The following PCDHA6 variants were observed in gnomAD, a reference collection of about 807,000 sequenced individuals.
The protein encoded by PCDHA6 is protocadherin alpha-6.
In PCDHA6, 55 loss-of-function variants were observed where a neutral mutation model predicts 60.3. The ratio of observed to expected loss-of-function variants is 0.91; its 90% CI spans 0.73 to 1.14. The LOEUF is 1.14. Among genes scored for constraint, PCDHA6 ranks in the 50% most tolerant of loss-of-function variants. The probability of loss-of-function intolerance (pLI) is 0.00; values close to 1 mark genes in which losing one functional copy is unlikely to be tolerated. For missense variants in PCDHA6, 1,327 were observed against 1,256.5 expected, an observed-to-expected ratio of 1.06 and a Z score of -0.85; for synonymous variants, 652 against 557.9, an observed-to-expected ratio of 1.17 and a Z score of -2.38.
intron 1 of PCDHA6, among the ~76,000 whole-genome samples, chr5:140,925,821 T>C (rs1381036851): frequency 1.3e-5 from 2 of 152,136 alleles, no homozygotes; most frequent in African/African-American, 4.8e-5. Context: ...CACGTCTTCT[T>C]TGGGGACGGG....
At chr5:140,977,307 G>C (rs1023836424) in intron 1 of PCDHA6, among the ~76,000 whole-genome samples, 1 of 152,186 alleles carries the variant, frequency 6.6e-6, no homozygotes, top group Admixed American at 6.5e-5. Flanking sequence ...ACAAGCTAAC[G>C]ATAGTGCTCC....
At chr5:140,854,178 A>AATT in intron 1 of PCDHA6, 6 of 531,176 alleles carry the variant, frequency 1.1e-5, no homozygotes, top group Non-Finnish European at 1.2e-5. Context: ...AAAAAAAAAG[A>AATT]GTAGTTTAAC....
chr5:140,830,936 T>C (rs1771298831), intron 1 of PCDHA6: 1 of 152,346 alleles, frequency 6.6e-6, no homozygotes, highest in South Asian at 2.1e-4. Context: ...TGTCGACACT[T>C]TTATTAAGCT....
intron 1 of PCDHA6, chr5:140,853,994 C>A (rs1157670229): frequency 4.2e-6 from 2 of 477,726 alleles, no homozygotes; most frequent in Non-Finnish European, 5.6e-6. Context: ...TGAGACTCAT[C>A]TCTGCCAAAA....
At position 140,876,665 on chromosome 5, in the gene PCDHA6, T is replaced by C. The variant is rs781830697; in HGVS notation, c.2394+46180T>C. 98 of 1,614,080 alleles carry C rather than the reference T, an allele frequency of 6.1e-5. 1 individual carries two copies. The South Asian group carries it at 9.4e-4, about 16-fold the overall frequency. ...ACACCTCATGTTCCCTTCAAGCTGG[T>C]GTCCACCTACAAGAATTACTACTCG... On this transcript the variant is annotated intron_variant, in intron 1 of 3. Coordinates refer to ENST00000529310, the MANE Select transcript of PCDHA6 (RefSeq NM_018909.4).
At chr5:140,833,791 C>T (rs1164373898) in intron 1 of PCDHA6, among the ~76,000 whole-genome samples, 2 of 152,062 alleles carry the variant, frequency 1.3e-5, no homozygotes, top group Non-Finnish European at 2.9e-5. Context: ...TCTCTTTCAT[C>T]AATCAGTAGA....
At chr5:140,843,104 C>T in intron 1 of PCDHA6, 1 of 1,595,712 alleles carries the variant, frequency 6.3e-7, no homozygotes, top group African/African-American at 1.3e-5. Context: ...AGCGAAGGTG[C>T]GCGCAGTGGA....
chr5:141,000,389 C>CTATA (rs2097911342), intron 3 of PCDHA6, among the ~76,000 whole-genome samples: 3 of 62,588 alleles, frequency 4.8e-5, no homozygotes, highest in Non-Finnish European at 8.6e-5. Flanking sequence ...CTCTCTCTCT[C>CTATA]TCTCTCTATA....
chr5:140,999,975 A>G (rs952038024), intron 3 of PCDHA6, among the ~76,000 whole-genome samples: 3 of 152,078 alleles, frequency 2.0e-5, no homozygotes, highest in African/African-American at 7.2e-5. Context: ...TAGCAGCTCT[A>G]GCGGCCTCTG....
rs782115498 is a variant in PCDHA6, at chr5:140,856,112, G to C, written c.2394+25627G>C. ...GCTGCTCTCGCTTCTTCTCCTCGCA[G>C]CCTGGGAGGTGGGGAGCGGCCAGCT... On this transcript the variant is annotated intron_variant, in intron 1 of 3. Coordinates refer to ENST00000529310, the MANE Select transcript of PCDHA6 (RefSeq NM_018909.4). The C allele has an allele frequency of 2.5e-6, 4 of 1,598,194 alleles. 1 individual carries two copies. The South Asian group carries it at 4.4e-5, about 18-fold the overall frequency.
At chr5:140,843,524 G>T in intron 1 of PCDHA6, 1 of 1,595,982 alleles carries the variant, frequency 6.3e-7, no homozygotes, top group South Asian at 1.1e-5. Flanking sequence ...GTGCCGGGCG[G>T]GCAAGCCCAC....
intron 1 of PCDHA6, chr5:140,877,310 C>G (rs371801888): frequency 6.2e-7 from 1 of 1,613,938 alleles, no homozygotes; most frequent in Non-Finnish European, 8.5e-7. Flanking sequence ...GAGTTGCAAC[C>G]GGCGGCGGTC....
intron 1 of PCDHA6, among the ~76,000 whole-genome samples, chr5:140,937,326 C>A (rs1287239556): frequency 2.0e-5 from 3 of 152,046 alleles, no homozygotes; most frequent in African/African-American, 7.2e-5. Flanking sequence ...CGTGAGCCAC[C>A]GCGCCCGGCT....
At chr5:140,877,575 C>T (rs1244471489) in intron 1 of PCDHA6, 1 of 1,613,826 alleles carries the variant, frequency 6.2e-7, no homozygotes, top group Non-Finnish European at 8.5e-7. Context: ...TGTACCTCAT[C>T]ATCGCCATCT....
At chr5:140,943,500 G>C (rs907493905) in intron 1 of PCDHA6, among the ~76,000 whole-genome samples, 1 of 152,048 alleles carries the variant, frequency 6.6e-6, no homozygotes, top group Admixed American at 6.6e-5. Context: ...TGCTATCAAG[G>C]TTCATGGAAA....
At position 141,010,449 on chromosome 5, in the gene PCDHA6, C is replaced by T. The variant is rs764975082; in HGVS notation, c.*512C>T. ...CAAGAAAACAAAGACAAATAAACAG[C>T]GGAAGTTATCAGTATGGAGGGGAAG... On this transcript the variant is annotated 3_prime_UTR_variant, in exon 4 of 4. Coordinates refer to ENST00000529310, the MANE Select transcript of PCDHA6 (RefSeq NM_018909.4). 14 of 915,348 alleles carry T rather than the reference C, an allele frequency of 1.5e-5. No homozygotes were observed. Among genetic ancestry groups the T allele is most frequent in the Non-Finnish European group, 2.1e-5 (13 of 631,774 alleles). 56.7% of individuals were successfully genotyped at this position (915,348 alleles called of 1,614,324 possible).
Position 140,999,523 on chromosome 5 carries a change from C to A in PCDHA6, c.2543-10104C>A, listed in dbSNP as rs115576128. On this transcript the variant is annotated intron_variant, in intron 3 of 3. Coordinates refer to ENST00000529310, the MANE Select transcript of PCDHA6 (RefSeq NM_018909.4). ...AACCTACATTTTAAGCATTTTGTTA[C>A]CCCCTGGATATGACAGCCAATGAAG... is the stretch of plus-strand genomic sequence containing the variant. Among the ~76,000 whole-genome samples, 464 of 152,142 alleles carry A rather than the reference C, an allele frequency of 3.0e-3. 6 individuals carry two copies. Among genetic ancestry groups the A allele is most frequent in the Middle Eastern group, 0.01 (3 of 294 alleles).
intron 1 of PCDHA6, chr5:140,835,438 T>G (rs1773640668): frequency 6.2e-7 from 1 of 1,613,918 alleles, no homozygotes; most frequent in South Asian, 1.1e-5. Context: ...CAGTTGACTC[T>G]CACTTCCCTG....
rs1395413340 is a variant in PCDHA6 at position 140,844,044 on chromosome 5, A to G, written c.2394+13559A>G. ...GGGCATTTTGATCTTTGGTGAAAGT[A>G]TTCCCCCAAAGCGTTTATTCTTTTG... On this transcript the variant is annotated intron_variant, in intron 1 of 3. Coordinates refer to ENST00000529310, the MANE Select transcript of PCDHA6 (RefSeq NM_018909.4). 1.3e-5 allele frequency among the ~76,000 whole-genome samples: 2 copies of G among 149,664 alleles called. 1 individual carries two copies. The highest frequency in any genetic ancestry group is 4.9e-5 in the African/African-American group (2 of 40,852).
Sources: allele counts gnomAD v4.1 joint callset (sites outside exome capture counted in the v4.1 genomes callset), GRCh38; gene constraint gnomAD v4.1.1; transcripts MANE v1.5; gene names NCBI Gene and HGNC (gene_info 2026-07-23, HGNC 2026-07-21).